Variants in BSN observed in about 807,000 individuals in gnomAD.
BSN encodes bassoon presynaptic cytomatrix protein.
Under a neutral mutation model 264.8 loss-of-function variants are expected in BSN, and 57 were observed. The ratio of observed to expected loss-of-function variants is 0.22; its 90% CI spans 0.17 to 0.27. The LOEUF (loss-of-function observed/expected upper bound fraction) is 0.27, where lower values mean the gene tolerates loss of function less well. Ranked by LOEUF, BSN falls within the 10% of genes least tolerant of loss-of-function variation. The pLI, the probability that BSN is intolerant of heterozygous loss-of-function variation, is 1.00. For missense variants in BSN, 4,615 were observed against 5,232.5 expected (o/e 0.88, Z 3.64); for synonymous variants, 2,059 against 2,137.3 (o/e 0.96, Z 1.01).
intron 1 of BSN, among the ~76,000 whole-genome samples, chr3:49,579,133 A>G (rs2051872944): frequency 1.3e-5 from 2 of 150,970 alleles, no homozygotes; most frequent in African/African-American, 4.9e-5. Flanking sequence ...GACTACAGGC[A>G]TGCACCACCA....
intron 1 of BSN, among the ~76,000 whole-genome samples, chr3:49,606,683 C>G: frequency 6.6e-6 from 1 of 152,058 alleles, no homozygotes; most frequent in African/African-American, 2.4e-5. Flanking sequence ...TTCCACCTCC[C>G]CCTTTTGTAT....
In BSN at chr3:49,625,293, C is replaced by T. The variant is rs2052334418; in HGVS notation, c.543C>T (p.Thr181=). The T allele has an allele frequency of 1.9e-6, 3 of 1,601,738 alleles. No homozygotes were observed. The highest frequency in any genetic ancestry group is 2.6e-6 in the Non-Finnish European group (3 of 1,174,050). Residue 181 remains threonine (T), a synonymous_variant, in exon 2 of 12, where the codon ACC becomes ACT. Coordinates refer to ENST00000296452, the MANE Select transcript of BSN (RefSeq NM_003458.4). This position sits in a 1 kb window ranked among gnomAD's most constrained non-coding sequence, Gnocchi z 4.4. ...GCAAGACTTCGGACCTCACGTCGACCCCCAGCCAGCCAAACTTCAACACCT... is the reference window on the plus strand; with the variant it reads ...GCAAGACTTCGGACCTCACGTCGACTCCCAGCCAGCCAAACTTCAACACCT... ...PICKTSDLTS[T]PSQPNFNTCT...
Position 49,663,197 on chromosome 3 carries a change from G to A in BSN, c.11039G>A (p.Arg3680Gln), listed in dbSNP as rs144241709. The A allele has an allele frequency of 3.2e-5, 52 of 1,613,766 alleles. No individual in the cohort carries two copies. The highest frequency in any genetic ancestry group is 4.0e-5 in the Non-Finnish European group (47 of 1,180,000). Residue 3680 changes from arginine (R) to glutamine (Q), a missense_variant, in exon 7 of 12, where the codon CGG (arginine) becomes CAG (glutamine). Arg to Gln is a conservative substitution (Grantham distance 43, BLOSUM62 1). Transcript: ENST00000296452. ...HARDLGRHEA[R>Q]PHSQPSSAPA... ...CGGGACCTGGGTCGCCATGAGGCCC[G>A]GCCCCACTCTCAGCCCAGCTCTGCT...
chr3:49,642,260 C>A lies in BSN; in HGVS notation c.634-8C>A. On this transcript the variant is annotated splice_polypyrimidine_tract_variant and splice_region_variant and intron_variant, in intron 2 of 11. Transcript: ENST00000296452. This position sits in a 1 kb window ranked among gnomAD's most constrained non-coding sequence, Gnocchi z 7.0. ...CCACCCTGCTGACTATTTTGCTTTTCTCCTCAGGTGAAGGAGTGGCTCTGT... is the reference window on the plus strand; with the variant it reads ...CCACCCTGCTGACTATTTTGCTTTTATCCTCAGGTGAAGGAGTGGCTCTGT... 6.6e-7 allele frequency: 1 copy of A among 1,514,282 alleles called. No individual in the cohort carries two copies. The highest frequency in any genetic ancestry group is 1.4e-5 in the African/African-American group (1 of 71,826). The allele number at this position is 1,514,282 out of a possible 1,614,324, so 93.8% of individuals were successfully genotyped here.
At chr3:49,598,861 A>G (rs182347220) in intron 1 of BSN, among the ~76,000 whole-genome samples, 4 of 152,232 alleles carry the variant, frequency 2.6e-5, no homozygotes, top group Admixed American at 2.6e-4. Flanking sequence ...AATAAAAGGC[A>G]TATAGATTAG....
Position 49,661,408 on chromosome 3 carries a change from G to T in BSN, c.9563G>T (p.Gly3188Val), listed in dbSNP as rs780404356. The T allele has an allele frequency of 1.4e-5, 22 of 1,613,732 alleles. No individual in the cohort carries two copies. In the South Asian group the frequency reaches 2.1e-4, roughly 15 times the overall value. The change falls in exon 6 of 12, where the codon GGC (glycine) becomes GTC (valine). Residue 3188 changes from glycine to valine, a missense_variant. By Grantham distance (109) the Gly-to-Val change is moderately radical. Coordinates refer to ENST00000296452, the MANE Select transcript of BSN (RefSeq NM_003458.4). The stretch of plus-strand genomic sequence containing the variant: ...TACAGTGGCCCAGCAGTGAGCAGCG[G>T]CTATGAGCAGGGCAAGGTCCCTGAG... ...TSYSGPAVSS[G>V]YEQGKVPEVP...
chr3:49,663,831 A>G lies in BSN; in HGVS notation c.11553A>G (p.Ala3851=), dbSNP rs762137294. Residue 3851 remains alanine, a synonymous_variant, in exon 8 of 12, where the codon GCA becomes GCG. Coordinates refer to ENST00000296452, the MANE Select transcript of BSN (RefSeq NM_003458.4). Reference sequence around the variant, plus strand: ...ATGGCTCTAAAGGGACAGCCAAAGCACCGCAACAGGGGAGGGCTCCTCAGG... The same window carrying G: ...ATGGCTCTAAAGGGACAGCCAAAGCGCCGCAACAGGGGAGGGCTCCTCAGG... The part of the protein sequence containing the change: ...QTNGSKGTAK[A]PQQGRAPQAQ... 6.2e-7 allele frequency: 1 copy of G among 1,614,138 alleles called. No individual in the cohort carries two copies. The highest frequency in any genetic ancestry group is 1.1e-5 in the South Asian group (1 of 91,086).
chr3:49,620,957 T>G (rs992719892), intron 1 of BSN, among the ~76,000 whole-genome samples: 2 of 152,082 alleles, frequency 1.3e-5, no homozygotes, highest in Non-Finnish European at 2.9e-5. Flanking sequence ...ACAAAAAGAC[T>G]TATCCTGGCA....
At position 49,656,486 on chromosome 3, in the gene BSN, T is replaced by C. The variant is rs545761604; in HGVS notation, c.6930T>C (p.Pro2310=). Residue 2310 remains proline (P), a synonymous_variant, in exon 5 of 12, where the codon CCT becomes CCC. Transcript: ENST00000296452. ...EMPVGAAREE[P]LPTTTPAAIK... ...CAGTAGGGGCTGCACGGGAAGAGCCTCTTCCCACAACCACCCCTGCTGCCA... is the reference window on the plus strand; with the variant it reads ...CAGTAGGGGCTGCACGGGAAGAGCCCCTTCCCACAACCACCCCTGCTGCCA... 3.1e-6 allele frequency: 5 copies of C among 1,595,748 alleles called. No homozygotes were observed. The East Asian group carries it at 1.1e-4, about 36-fold the overall frequency.
chr3:49,574,098 C>T (rs537935423), intron 1 of BSN, among the ~76,000 whole-genome samples: 1 of 151,448 alleles, frequency 6.6e-6, no homozygotes, highest in South Asian at 2.1e-4. Context: ...TAGAGGTGTG[C>T]GTCGCCACAT....
In BSN at chr3:49,660,631, G is replaced by A. The variant is rs1386813904; in HGVS notation, c.8786G>A (p.Gly2929Glu). ...AASLLQRGLT[G>E]PTTVPATKAS... ...AGCCTGCTGCAGCGAGGGCTGACGG[G>A]GCCCACCACTGTCCCTGCTACCAAG... is the stretch of plus-strand genomic sequence containing the variant. Residue 2929 changes from glycine (G) to glutamate (E), a missense_variant, in exon 6 of 12, where the codon GGG (glycine) becomes GAG (glutamate). Transcript: ENST00000296452. This position sits in a 1 kb window ranked among gnomAD's most constrained non-coding sequence, Gnocchi z 7.1. The A allele has an allele frequency of 1.2e-6, 2 of 1,613,026 alleles. No individual in the cohort carries two copies. Among genetic ancestry groups the A allele is most frequent in the Non-Finnish European group, 1.7e-6 (2 of 1,179,898 alleles).
Position 49,638,312 on chromosome 3 carries a change from C to T in BSN, c.634-3956C>T, listed in dbSNP as rs931527813. Among the ~76,000 whole-genome samples the T allele has an allele frequency of 0.032, 38 of 1,174 alleles. No homozygotes were observed. Among genetic ancestry groups the T allele is most frequent in the African/African-American group, 0.11 (35 of 314 alleles). 0.8% of individuals were successfully genotyped at this position (1,174 alleles called of 152,430 possible). ...TTCATGTATACCCAGGCTGGGTGGG[C>T]GGGTGGGTTGGGGTGCACAGCCATC... is the stretch of plus-strand genomic sequence containing the variant. On this transcript the variant is annotated intron_variant, in intron 2 of 11. Transcript: ENST00000296452. This position sits in a 1 kb window ranked among gnomAD's most constrained non-coding sequence, Gnocchi z 4.3.
rs771410180 is a variant in BSN, at chr3:49,663,584, G to C, written c.11426G>C (p.Gly3809Ala). 2 of 1,605,862 alleles carry C rather than the reference G, an allele frequency of 1.2e-6. No individual in the cohort carries two copies. The highest frequency in any genetic ancestry group is 2.7e-5 in the African/African-American group (2 of 74,988). ...CAACAGAGCCAGCCAACCACCCGGG[G>C]CTCAGCCCCTGCTGCCAGCCAGCCT... Reference protein sequence around the residue: ...LQQQSQPTTRGSAPAASQPAG... With the variant: ...LQQQSQPTTRASAPAASQPAG... The change falls in exon 7 of 12, where the codon GGC (glycine) becomes GCC (alanine). Residue 3809 changes from glycine to alanine, a missense_variant. Around this residue, in one of 3 missense-constraint regions of BSN, gnomAD observed 3,415 missense variants for 3,866.4 expected, o/e 0.88. Coordinates refer to ENST00000296452, the MANE Select transcript of BSN (RefSeq NM_003458.4).
At chr3:49,637,212 T>A (rs1040824813) in intron 2 of BSN, among the ~76,000 whole-genome samples, 4 of 152,108 alleles carry the variant, frequency 2.6e-5, no homozygotes, top group Non-Finnish European at 5.9e-5. Context: ...GAAGGCTGAG[T>A]GACGTCTGCA....
At chr3:49,633,168 G>A (rs1333265436) in intron 2 of BSN, among the ~76,000 whole-genome samples, 2 of 151,946 alleles carry the variant, frequency 1.3e-5, no homozygotes, top group African/African-American at 4.8e-5. Flanking sequence ...TGGGTGTGGT[G>A]GTGGGCACTT....
At chr3:49,588,066 C>T (rs1045518250) in intron 1 of BSN, among the ~76,000 whole-genome samples, 1 of 151,722 alleles carries the variant, frequency 6.6e-6, no homozygotes, top group Admixed American at 6.6e-5. Context: ...GGATTATAGG[C>T]GCCTGCTACC....
intron 2 of BSN, among the ~76,000 whole-genome samples, chr3:49,635,472 G>C (rs1020775348): frequency 6.6e-6 from 1 of 152,100 alleles, no homozygotes; most frequent in Non-Finnish European, 1.5e-5. Flanking sequence ...CAACCAGGTT[G>C]ACAAGTCATT....
rs993697909 is a variant in BSN at position 49,661,928 on chromosome 3, G to T, written c.10083G>T (p.Arg3361=). The T allele has an allele frequency of 6.2e-7, 1 of 1,613,822 alleles. No homozygotes were observed. The highest frequency in any genetic ancestry group is 1.3e-5 in the African/African-American group (1 of 74,948). ...TCTCCTCAAAGCGCAGCAAGCACCG[G>T]AAGCAGGGCATGGAGCAAAAGATAT... is the stretch of plus-strand genomic sequence containing the variant. ...AAISSKRSKH[R]KQGMEQKISK... Residue 3361 remains arginine, a synonymous_variant, in exon 6 of 12, where the codon CGG becomes CGT. Coordinates refer to ENST00000296452, the MANE Select transcript of BSN (RefSeq NM_003458.4).
rs776193911 is a variant in BSN at position 49,642,448 on chromosome 3, C to G, written c.814C>G (p.Pro272Ala). 2 of 1,594,558 alleles carry G rather than the reference C, an allele frequency of 1.3e-6. No individual in the cohort carries two copies. The highest frequency in any genetic ancestry group is 4.5e-5 in the East Asian group (2 of 44,262). ...AGAGAGATCTCGGGGCCCAGGAGGA[C>G]CACAGCCTGGGTCCCGCCAGGCTGA... The part of the protein sequence containing the change: ...DQERSRGPGG[P>A]QPGSRQAETA... The change falls in exon 3 of 12, where the codon CCA (proline) becomes GCA (alanine). Residue 272 changes from proline (P) to alanine (A), a missense_variant. Physicochemically the swap from Pro to Ala is conservative, Grantham distance 27. This residue lies in a region of BSN where 1,197 missense variants were observed against 1,348.0 expected (regional missense o/e 0.89). Coordinates refer to ENST00000296452, the MANE Select transcript of BSN (RefSeq NM_003458.4). The surrounding 1 kb of genome is among the most constrained non-coding windows in gnomAD (Gnocchi z 7.0).
Sources: allele counts gnomAD v4.1 joint callset (sites outside exome capture counted in the v4.1 genomes callset), GRCh38; gene constraint gnomAD v4.1.1; regional missense constraint gnomAD v4.1.1; non-coding constraint Gnocchi (gnomAD v3.1); transcripts MANE v1.5; gene names NCBI Gene and HGNC (gene_info 2026-07-23, HGNC 2026-07-21).